Variants in MRC1 observed in about 807,000 individuals in gnomAD.
MRC1 encodes macrophage mannose receptor 1.
Under a neutral mutation model 102.9 loss-of-function variants are expected in MRC1, and 62 were observed. The observed-to-expected ratio is 0.60, with a 90% CI of 0.49 to 0.74. The LOEUF is 0.74. Ranked by LOEUF, MRC1 falls within the 30% of genes least tolerant of loss-of-function variation. MRC1 has a pLI of 0.00. For synonymous variants in MRC1, 457 were observed against 298.4 expected (o/e 1.53, Z -5.48); for missense variants, 1,237 against 862.8 (o/e 1.43, Z -5.43).
intron 6 of MRC1, among the ~76,000 whole-genome samples, chr10:17,849,316 A>AAAG (rs1554840439): frequency 6.6e-6 from 1 of 151,020 alleles, no homozygotes; most frequent in Non-Finnish European, 1.5e-5. Flanking sequence ...AAAAAAAAAA[A>AAAG]AAAGAAAGAA....
intron 21 of MRC1, among the ~76,000 whole-genome samples, chr10:17,882,809 T>C (rs1195816981): frequency 1.3e-5 from 2 of 152,176 alleles, no homozygotes; most frequent in Non-Finnish European, 2.9e-5. Context: ...CCAACTGGCC[T>C]ACCCCATTTT....
intron 1 of MRC1, among the ~76,000 whole-genome samples, chr10:17,815,851 G>T (rs1180085489): frequency 6.8e-6 from 1 of 147,234 alleles, no homozygotes; most frequent in African/African-American, 2.5e-5. Context: ...TTTTGAGATG[G>T]TGTCTCACTC....
rs1051586517 is a variant in MRC1 at position 17,853,610 on chromosome 10, A to G, written c.1407+486A>G. 9.6e-3 allele frequency among the ~76,000 whole-genome samples: 1,429 copies of G among 148,714 alleles called. 10 individuals are homozygous for G. The highest frequency in any genetic ancestry group is 0.019 in the East Asian group (97 of 5,156). Reference sequence around the variant, plus strand: ...TGTGTGTGTGTGTGTGTATATATATATATATGTAAAAAGAGATTGTAGCCC... The same window carrying G: ...TGTGTGTGTGTGTGTGTATATATATGTATATGTAAAAAGAGATTGTAGCCC... On this transcript the variant is annotated intron_variant, in intron 8 of 29. Transcript: ENST00000569591.
intron 17 of MRC1, among the ~76,000 whole-genome samples, chr10:17,877,204 C>G (rs1054139221): frequency 6.7e-6 from 1 of 148,268 alleles, no homozygotes; most frequent in Non-Finnish European, 1.5e-5. Context: ...GTTTGAAGAA[C>G]AGATATATCC....
chr10:17,844,417 A>G (rs1490655435), intron 5 of MRC1, among the ~76,000 whole-genome samples: 1 of 151,840 alleles, frequency 6.6e-6, no homozygotes, highest in African/African-American at 2.4e-5. Context: ...ATGGGGTTTC[A>G]TTATGTTGGC....
intron 4 of MRC1, among the ~76,000 whole-genome samples, chr10:17,837,547 TAC>T (rs1267505246): frequency 6.6e-6 from 1 of 152,124 alleles, no homozygotes; most frequent in African/African-American, 2.4e-5. Context: ...ACAAAATATT[TAC>T]ACTTTTAAAA....
At chr10:17,893,368 G>T (rs1214655687) in intron 22 of MRC1, among the ~76,000 whole-genome samples, 1 of 151,944 alleles carries the variant, frequency 6.6e-6, no homozygotes, top group Non-Finnish European at 1.5e-5. Context: ...TGTTGCCCAG[G>T]CTGGTCTTGA....
chr10:17,886,694 G>T (rs1225951268), intron 22 of MRC1, among the ~76,000 whole-genome samples: 1 of 152,084 alleles, frequency 6.6e-6, no homozygotes, highest in Admixed American at 6.6e-5. Context: ...GAGCCACCAC[G>T]CCCATTCAGG....
At chr10:17,869,669 G>T (rs1048074520) in intron 12 of MRC1, among the ~76,000 whole-genome samples, 1 of 151,960 alleles carries the variant, frequency 6.6e-6, no homozygotes, top group Non-Finnish European at 1.5e-5. Context: ...CTGCCAGATG[G>T]TTGTCTGTGT....
chr10:17,824,214 A>G (rs1838440233), intron 2 of MRC1, among the ~76,000 whole-genome samples: 1 of 152,224 alleles, frequency 6.6e-6, no homozygotes, highest in African/African-American at 2.4e-5. Context: ...GGCTGCACAG[A>G]AAACAAAACA....
intron 9 of MRC1, among the ~76,000 whole-genome samples, chr10:17,856,756 C>A (rs1490514065): frequency 6.6e-6 from 1 of 152,010 alleles, no homozygotes; most frequent in African/African-American, 2.4e-5. Flanking sequence ...GCAGTAGATA[C>A]CCCCAAGTTG....
intron 12 of MRC1, among the ~76,000 whole-genome samples, chr10:17,869,520 C>T (rs1833324810): frequency 6.6e-6 from 1 of 152,150 alleles, no homozygotes. Flanking sequence ...ACGATTACCT[C>T]CTTTCTATTT....
At chr10:17,872,533 C>A (rs2130678508) in intron 15 of MRC1, among the ~76,000 whole-genome samples, 1 of 152,334 alleles carries the variant, frequency 6.6e-6, no homozygotes, top group East Asian at 1.9e-4. Context: ...TCTGAATATT[C>A]TGAGTATTGA....
chr10:17,827,972 A>T (rs1473959882), intron 3 of MRC1, among the ~76,000 whole-genome samples: 1 of 152,196 alleles, frequency 6.6e-6, no homozygotes, highest in Non-Finnish European at 1.5e-5. Context: ...TTTGCCAGTA[A>T]GACTAGAGTC....
At chr10:17,897,442 G>T (rs1330177413) in intron 23 of MRC1, among the ~76,000 whole-genome samples, 1 of 152,142 alleles carries the variant, frequency 6.6e-6, no homozygotes, top group East Asian at 1.9e-4. Flanking sequence ...ACCCATAGGC[G>T]AAGGGCATAG....
At chr10:17,875,320 G>A in intron 17 of MRC1, 67 bp downstream of exon 17, 2 of 770,670 alleles carry the variant, frequency 2.6e-6, no homozygotes, top group Non-Finnish European at 4.8e-6. Context: ...TTGGTTGTAT[G>A]GAAAAGTTCT....
At chr10:17,883,866 C>A (rs1833553306) in intron 21 of MRC1, among the ~76,000 whole-genome samples, 1 of 152,168 alleles carries the variant, frequency 6.6e-6, no homozygotes, top group African/African-American at 2.4e-5. Flanking sequence ...ACAATTCAAC[C>A]TTTTATGTCT....
At chr10:17,816,075 T>A (rs1457489699) in intron 1 of MRC1, among the ~76,000 whole-genome samples, 1 of 152,172 alleles carries the variant, frequency 6.6e-6, no homozygotes, top group African/African-American at 2.4e-5. Flanking sequence ...CCGCCTGCCT[T>A]GGCCTCCTGT....
chr10:17,835,516 G>A (rs1437140660), intron 4 of MRC1, among the ~76,000 whole-genome samples: 2 of 152,148 alleles, frequency 1.3e-5, no homozygotes, highest in Non-Finnish European at 2.9e-5. Context: ...TGCATGGAAA[G>A]CAAACTGAAG....
Sources: gnomAD v4.1 joint callset for allele counts (sites outside exome capture counted in the v4.1 genomes callset) on GRCh38, gnomAD v4.1.1 for gene constraint, MANE v1.5 for transcripts, NCBI Gene and HGNC (gene_info 2026-07-23, HGNC 2026-07-21) for gene names.